Variants in GLG1 observed in about 807,000 individuals in gnomAD.
The protein encoded by GLG1 is golgi glycoprotein 1.
GLG1 carries 38 observed loss-of-function variants against 160.5 expected under a neutral mutation model. The observed-to-expected ratio is 0.24, with a 90% CI of 0.18 to 0.31. GLG1 has a LOEUF of 0.31. GLG1 is among the 10% of genes least tolerant of loss of function. The probability of loss-of-function intolerance (pLI) is 1.00; values close to 1 mark genes in which losing one functional copy is unlikely to be tolerated. For synonymous variants in GLG1, 644 were observed against 543.4 expected (o/e 1.19, Z -2.57); for missense variants, 1,373 against 1,505.2 (o/e 0.91, Z 1.45).
intron 1 of GLG1, among the ~76,000 whole-genome samples, chr16:74,590,134 A>G (rs1958139693): frequency 6.6e-6 from 1 of 151,694 alleles, no homozygotes; most frequent in African/African-American, 2.4e-5. Flanking sequence ...AGTAGTAGGG[A>G]CTACAGGCGC....
chr16:74,478,894 CA>C (rs370595276), intron 11 of GLG1, among the ~76,000 whole-genome samples: 38,753 of 79,906 alleles, frequency 0.48, 6,360 homozygotes, highest in East Asian at 0.59. Context: ...AACTCCGTCT[CA>C]AAAAAAAAAA....
intron 1 of GLG1, among the ~76,000 whole-genome samples, chr16:74,587,203 T>C (rs1479959258): frequency 2.0e-5 from 3 of 152,144 alleles, no homozygotes; most frequent in Non-Finnish European, 1.5e-5. Context: ...CTATGATCCC[T>C]GAGAGAAGGC....
rs112166452 is a variant in GLG1, at chr16:74,489,385, C to T, written c.1449+1616G>A. On this transcript the variant is annotated intron_variant, in intron 8 of 25. Transcript: ENST00000422840. Reference sequence around the variant, plus strand: ...ACTCAGGAGGTTGAGGCAGGAGAATCATTTGAACCCGGGAGGTGGATGCTG... The same window carrying T: ...ACTCAGGAGGTTGAGGCAGGAGAATTATTTGAACCCGGGAGGTGGATGCTG... Among the ~76,000 whole-genome samples, 1,471 of 151,828 alleles carry T rather than the reference C, an allele frequency of 9.7e-3. 21 individuals carry two copies. The highest frequency in any genetic ancestry group is 0.034 in the African/African-American group (1,396 of 41,362).
At chr16:74,466,112 C>G (rs1174776188) in intron 18 of GLG1, among the ~76,000 whole-genome samples, 4 of 152,208 alleles carry the variant, frequency 2.6e-5, no homozygotes, top group African/African-American at 9.6e-5. Context: ...TGTCCACATT[C>G]ATTTTGGAGA....
chr16:74,500,742 G>A (rs1282509328), intron 4 of GLG1, among the ~76,000 whole-genome samples: 7 of 151,982 alleles, frequency 4.6e-5, no homozygotes, highest in Middle Eastern at 3.4e-3. Context: ...GCACATGTCC[G>A]CAATTAAGTT....
At chr16:74,517,677 A>G (rs1341458124) in intron 2 of GLG1, among the ~76,000 whole-genome samples, 1 of 152,210 alleles carries the variant, frequency 6.6e-6, no homozygotes, top group Non-Finnish European at 1.5e-5. Context: ...CCTATTCAAC[A>G]TAGTATTGGA....
chr16:74,461,110 G>C (rs2143171374), intron 22 of GLG1, among the ~76,000 whole-genome samples: 1 of 151,854 alleles, frequency 6.6e-6, no homozygotes, highest in South Asian at 2.1e-4. Flanking sequence ...GCCTTTTCTA[G>C]CTAAGAAGTC....
intron 15 of GLG1, 92 bp downstream of exon 15, chr16:74,471,081 C>CTTTTAACAGAACAGACTTTT: frequency 1.3e-6 from 1 of 792,372 alleles, no homozygotes. Flanking sequence ...TTTAACAGAA[C>CTTTTAACAGAACAGACTTTT]ATCAGAGGTG....
chr16:74,496,330 A>G (rs2016184699), intron 5 of GLG1, 111 bp downstream of exon 5: 2 of 763,964 alleles, frequency 2.6e-6, no homozygotes, highest in Admixed American at 2.5e-5. Context: ...CAGCCTGGGC[A>G]ACATAGCAAG....
intron 1 of GLG1, among the ~76,000 whole-genome samples, chr16:74,560,302 T>C (rs1193407295): frequency 6.6e-6 from 1 of 151,428 alleles, no homozygotes; most frequent in Non-Finnish European, 1.5e-5. Context: ...CCTAACTGCT[T>C]TGAATTGGGA....
rs1958588774 is a variant in GLG1 at position 74,606,987 on chromosome 16, G to T, written c.108C>A (p.His36Gln). 4 of 1,607,364 alleles carry T rather than the reference G, an allele frequency of 2.5e-6. No individual in the cohort carries two copies. The highest frequency in any genetic ancestry group is 1.7e-4 in the Middle Eastern group (1 of 6,046). The change falls in exon 1 of 26, where the codon CAC (histidine) becomes CAA (glutamine). Residue 36 changes from histidine to glutamine, a missense_variant. Physicochemically the swap from His to Gln is conservative, Grantham distance 24. Around this residue, in one of 4 missense-constraint regions of GLG1, gnomAD observed 322 missense variants for 254.6 expected, o/e 1.26. Transcript: ENST00000422840. Reference sequence around the variant, plus strand: ...TGGCCCCGGGACCCTGGCCCTGGCTGTGGACGCCCTGGCCGGGGAGTTTCT... The same window carrying T: ...TGGCCCCGGGACCCTGGCCCTGGCTTTGGACGCCCTGGCCGGGGAGTTTCT... ...GAEKLPGQGV[H>Q]SQGQGPGANF...
chr16:74,586,064 GA>G (rs201949259), intron 1 of GLG1, among the ~76,000 whole-genome samples: 20,431 of 120,758 alleles, frequency 0.17, 1,520 homozygotes, highest in Middle Eastern at 0.24. Context: ...CTCTGTATCG[GA>G]AAAAAAAAAA....
At chr16:74,571,562 G>C (rs1170819566) in intron 1 of GLG1, among the ~76,000 whole-genome samples, 1 of 151,748 alleles carries the variant, frequency 6.6e-6, no homozygotes, top group Non-Finnish European at 1.5e-5. Context: ...ACTGAGGCAA[G>C]AGAATCGCTC....
Position 74,518,279 on chromosome 16 carries a change from A to T in GLG1, c.472-9354T>A, listed in dbSNP as rs116931676. 6.7e-3 allele frequency among the ~76,000 whole-genome samples: 1,016 copies of T among 152,312 alleles called. 1 individual carries two copies. Among genetic ancestry groups the T allele is most frequent in the Non-Finnish European group, 8.1e-3 (550 of 68,022 alleles). On this transcript the variant is annotated intron_variant, in intron 2 of 25. Transcript: ENST00000422840. The stretch of plus-strand genomic sequence containing the variant: ...CAAGAAGCACAAAGTTGGAGGCATC[A>T]TGCTACCCGACTTCGAACTATACTA...
chr16:74,480,004 A>AT (rs2015538895), intron 11 of GLG1, among the ~76,000 whole-genome samples: 1 of 151,998 alleles, frequency 6.6e-6, no homozygotes, highest in Non-Finnish European at 1.5e-5. Flanking sequence ...AAAAAAAAAA[A>AT]TCTGGAAATC....
chr16:74,508,776 G>A (rs958037536), intron 3 of GLG1, 63 bp downstream of exon 3: 14 of 756,092 alleles, frequency 1.9e-5, no homozygotes, highest in African/African-American at 1.2e-4. Context: ...TTCTCATAAG[G>A]GCTGGTCTGG....
chr16:74,460,164 G>T lies in GLG1; in HGVS notation c.3037-375C>A, dbSNP rs137888994. Among the ~76,000 whole-genome samples, 84 of 152,248 alleles carry T rather than the reference G, an allele frequency of 5.5e-4. No homozygotes were observed. In the East Asian group the frequency reaches 0.014, roughly 25 times the overall value. On this transcript the variant is annotated intron_variant, in intron 22 of 25. Coordinates refer to ENST00000422840, the MANE Select transcript of GLG1 (RefSeq NM_001145667.2). ...AGCCTCCTGAGTAGCTGGAATTACA[G>T]GTATGTACCACCATGCCCAGCTAAT... is the stretch of plus-strand genomic sequence containing the variant.
chr16:74,517,930 T>A (rs1469602187), intron 2 of GLG1, among the ~76,000 whole-genome samples: 2 of 152,158 alleles, frequency 1.3e-5, no homozygotes, highest in Non-Finnish European at 2.9e-5. Context: ...AGCCCAATCA[T>A]GAGTGAACTC....
intron 1 of GLG1, among the ~76,000 whole-genome samples, chr16:74,605,874 T>C (rs1008234937): frequency 4.6e-5 from 7 of 152,330 alleles, no homozygotes; most frequent in African/African-American, 1.7e-4. Flanking sequence ...AGAATTGTCA[T>C]TATGGTCTGC....
Sources: gnomAD v4.1 joint callset for allele counts (sites outside exome capture counted in the v4.1 genomes callset) on GRCh38, gnomAD v4.1.1 for gene constraint, gnomAD v4.1.1 regional missense constraint, MANE v1.5 for transcripts, NCBI Gene and HGNC (gene_info 2026-07-23, HGNC 2026-07-21) for gene names.